The following ERC1 variants were observed in gnomAD, a reference collection of about 807,000 sequenced individuals.
The protein encoded by ERC1 is RAB6 interacting protein 2.
In ERC1, 56 loss-of-function variants were observed where a neutral mutation model predicts 132.0. The observed-to-expected ratio is 0.42, with a 90% CI of 0.34 to 0.53. The LOEUF (loss-of-function observed/expected upper bound fraction) is 0.53. Ranked by LOEUF, ERC1 falls within the 20% of genes least tolerant of loss-of-function variation. ERC1 has a pLI of 0.03. For synonymous variants in ERC1, 478 were observed against 476.1 expected (o/e 1.00, Z -0.05); for missense variants, 1,202 against 1,349.9 (o/e 0.89, Z 1.72).
At chr12:1,315,931 G>A (rs547114634) in intron 15 of ERC1, among the ~76,000 whole-genome samples, 3 of 151,042 alleles carry the variant, frequency 2.0e-5, no homozygotes, top group Non-Finnish European at 3.0e-5. Context: ...TCACTCTGTC[G>A]CCCAGGCTGG....
chr12:1,129,804 T>G (rs1466700135), intron 7 of ERC1, among the ~76,000 whole-genome samples: 2 of 145,864 alleles, frequency 1.4e-5, no homozygotes, highest in African/African-American at 5.3e-5. Flanking sequence ...TTAAAAGATG[T>G]ATGTTAGAAA....
At chr12:1,100,610 A>T (rs190960652) in intron 3 of ERC1, among the ~76,000 whole-genome samples, 1 of 152,180 alleles carries the variant, frequency 6.6e-6, no homozygotes, top group Admixed American at 6.5e-5. Context: ...GATGAGTTGG[A>T]TATAGGTGTA....
chr12:1,434,178 A>G (rs932541208), intron 17 of ERC1, among the ~76,000 whole-genome samples: 3 of 152,066 alleles, frequency 2.0e-5, no homozygotes, highest in Non-Finnish European at 2.9e-5. Flanking sequence ...CCCGTAATAT[A>G]TTAGATTCTC....
intron 2 of ERC1, among the ~76,000 whole-genome samples, chr12:1,063,769 T>G (rs1388367778): frequency 6.6e-6 from 1 of 152,224 alleles, no homozygotes; most frequent in Non-Finnish European, 1.5e-5. Flanking sequence ...TTGTATATCC[T>G]ATGTTCCTTT....
At chr12:1,145,863 T>C (rs922621360) in intron 8 of ERC1, among the ~76,000 whole-genome samples, 4 of 152,212 alleles carry the variant, frequency 2.6e-5, no homozygotes, top group African/African-American at 9.7e-5. Flanking sequence ...GTTTACTTTG[T>C]CAAAGATCAG....
At chr12:1,003,299 AGTATT>A (rs1962831046) in intron 1 of ERC1, among the ~76,000 whole-genome samples, 2 of 152,128 alleles carry the variant, frequency 1.3e-5, no homozygotes, top group Non-Finnish European at 2.9e-5. Context: ...TTTTCTGTGC[AGTATT>A]ACACATCTTT....
At chr12:1,160,256 G>A (rs960332242) in intron 8 of ERC1, among the ~76,000 whole-genome samples, 1 of 152,158 alleles carries the variant, frequency 6.6e-6, no homozygotes, top group African/African-American at 2.4e-5. Context: ...GCCCCCAAAA[G>A]ATTTAGGTGA....
chr12:1,212,318 T>C (rs1957953237), intron 12 of ERC1, among the ~76,000 whole-genome samples: 1 of 152,160 alleles, frequency 6.6e-6, no homozygotes, highest in African/African-American at 2.4e-5. Context: ...AGTTCTTCTC[T>C]GCCTAGTACT....
intron 13 of ERC1, among the ~76,000 whole-genome samples, chr12:1,245,396 T>G (rs567254330): frequency 6.6e-6 from 1 of 152,346 alleles, no homozygotes; most frequent in South Asian, 2.1e-4. Flanking sequence ...CTTCTTTTGT[T>G]GATCATTATT....
intron 7 of ERC1, among the ~76,000 whole-genome samples, chr12:1,126,999 A>AAAAAAAAAAAC (rs1948252176): frequency 3.8e-5 from 1 of 26,440 alleles, no homozygotes; most frequent in African/African-American, 5.8e-5. Context: ...AAAAAAAAAA[A>AAAAAAAAAAAC]AAAAAAAAAA....
At chr12:1,067,870 CTG>C (rs1245859386) in intron 2 of ERC1, among the ~76,000 whole-genome samples, 1 of 150,196 alleles carries the variant, frequency 6.7e-6, no homozygotes, top group Admixed American at 6.6e-5. Context: ...TAGAACAAAA[CTG>C]TGTGTGTGTC....
intron 11 of ERC1, among the ~76,000 whole-genome samples, chr12:1,184,137 CAAA>C (rs75254476): frequency 4.8e-5 from 4 of 83,940 alleles, no homozygotes; most frequent in Admixed American, 1.3e-4. Context: ...CTCCATCTCA[CAAA>C]AAAAAAAAAA....
chr12:1,472,940 A>C (rs937283980), intron 18 of ERC1, among the ~76,000 whole-genome samples: 2 of 152,216 alleles, frequency 1.3e-5, no homozygotes, highest in African/African-American at 2.4e-5. Flanking sequence ...TTGAATCTGG[A>C]GGAGATGACT....
chr12:1,129,116 T>G (rs908168780), intron 7 of ERC1, among the ~76,000 whole-genome samples: 1 of 152,172 alleles, frequency 6.6e-6, no homozygotes, highest in Non-Finnish European at 1.5e-5. Flanking sequence ...AGGAACAAAT[T>G]ATTCTTGAGC....
At chr12:1,145,147 G>A (rs1307252585) in intron 8 of ERC1, among the ~76,000 whole-genome samples, 1 of 151,940 alleles carries the variant, frequency 6.6e-6, no homozygotes, top group Non-Finnish European at 1.5e-5. Flanking sequence ...CTCCTGAGTA[G>A]CTGGGATTAC....
In ERC1 at chr12:1,104,885, C is replaced by T. The variant is rs999678778; in HGVS notation, c.1161+61C>T. ...CCTTATACTTTTAAGTGATCAAAAA[C>T]TTCCATGTGTGAGTGTTAGGAAATG... On this transcript the variant is annotated intron_variant, in intron 4 of 18. Coordinates refer to ENST00000360905, the MANE Select transcript of ERC1 (RefSeq NM_178040.4). The T allele has an allele frequency of 3.6e-6, 4 of 1,121,510 alleles. No individual in the cohort carries two copies. In the African/African-American group the frequency reaches 6.1e-5, roughly 17 times the overall value. The allele number at this position is 1,121,510 out of a possible 1,614,324, so 69.5% of individuals were successfully genotyped here. A position where few individuals can be genotyped will look rare whatever the true frequency, so the allele number is the denominator to read the frequency against.
At chr12:1,115,716 G>C (rs1946371162) in intron 6 of ERC1, 150 bp from the exon 7 acceptor site, 1 of 627,328 alleles carries the variant, frequency 1.6e-6, no homozygotes, top group African/African-American at 1.9e-5. Context: ...GGAGATCCAA[G>C]GTTATGTCAT....
chr12:1,125,159 T>A (rs1466407604), intron 7 of ERC1, among the ~76,000 whole-genome samples: 1 of 151,990 alleles, frequency 6.6e-6, no homozygotes, highest in Non-Finnish European at 1.5e-5. Context: ...CACGCCCAGC[T>A]AATTTTTTGT....
intron 8 of ERC1, among the ~76,000 whole-genome samples, chr12:1,146,501 T>TA (rs1950381251): frequency 6.6e-6 from 1 of 151,824 alleles, no homozygotes; most frequent in Non-Finnish European, 1.5e-5. Flanking sequence ...GCTTTGTAGT[T>TA]ATATGACCTT....
Sources: allele counts gnomAD v4.1 joint callset (sites outside exome capture counted in the v4.1 genomes callset), GRCh38; gene constraint gnomAD v4.1.1; transcripts MANE v1.5; gene names NCBI Gene and HGNC (gene_info 2026-07-23, HGNC 2026-07-21).